The following CLDN12 variants were observed in gnomAD, a reference collection of about 807,000 sequenced individuals.
The protein encoded by CLDN12 is claudin 12, also known as claudin-12.
Under a neutral mutation model 15.5 loss-of-function variants are expected in CLDN12, and 9 were observed. That is an observed-to-expected ratio of 0.58 (90% confidence interval 0.35 to 1.02). CLDN12 has a LOEUF of 1.02. Ranked by LOEUF, CLDN12 falls within the 50% of genes least tolerant of loss-of-function variation. The pLI is 0.02. For synonymous variants in CLDN12, 140 were observed against 121.6 expected, an observed-to-expected ratio of 1.15 and a Z score of -1.00; for missense variants, 233 against 297.3, an observed-to-expected ratio of 0.78 and a Z score of 1.59.
At chr7:90,408,768 A>G (rs944876064) in intron 2 of CLDN12, among the ~76,000 whole-genome samples, 2 of 152,290 alleles carry the variant, frequency 1.3e-5, no homozygotes, top group Non-Finnish European at 2.9e-5. Flanking sequence ...ATCAAAGGCA[A>G]TTTCAGAGAA....
In CLDN12 at chr7:90,405,594, C is replaced by G. The variant is rs1430548490; in HGVS notation, c.-91C>G. ...CTGAATAAAGCTGTTTTGGAACTGT[C>G]AGGTACCTCAAAGCGTAAGTACGTC... On this transcript the variant is annotated 5_prime_UTR_variant, in exon 2 of 4. Transcript: ENST00000496677. The G allele has an allele frequency of 2.0e-5, 3 of 152,154 alleles. No individual in the cohort carries two copies. The highest frequency in any genetic ancestry group is 2.9e-5 in the Non-Finnish European group (2 of 68,018). 9.4% of individuals were successfully genotyped at this position (152,154 alleles called of 1,614,324 possible).
In CLDN12 at chr7:90,413,533, A is replaced by G; in HGVS notation, c.*122A>G. On this transcript the variant is annotated 3_prime_UTR_variant, in exon 4 of 4. Coordinates refer to ENST00000496677, the MANE Select transcript of CLDN12 (RefSeq NM_001185072.3). ...TTGACCAATCAATGAAGCCAAATTTATATGTCCTAGTAGAATGAAGTGCTG... is the reference window on the plus strand; with the variant it reads ...TTGACCAATCAATGAAGCCAAATTTGTATGTCCTAGTAGAATGAAGTGCTG... 2 of 1,489,632 alleles carry G rather than the reference A, an allele frequency of 1.3e-6. No individual in the cohort carries two copies. Among genetic ancestry groups the G allele is most frequent in the Non-Finnish European group, 1.8e-6 (2 of 1,121,980 alleles). The allele number at this position is 1,489,632 out of a possible 1,614,324, so 92.3% of individuals were successfully genotyped here.
intron 1 of CLDN12, among the ~76,000 whole-genome samples, chr7:90,405,117 C>T (rs1412689489): frequency 6.6e-6 from 1 of 152,176 alleles, no homozygotes; most frequent in African/African-American, 2.4e-5. Context: ...CACTGGAGTG[C>T]AGTGGTGCAA....
At position 90,413,485 on chromosome 7, in the gene CLDN12, C is replaced by T. The variant is rs1797014312; in HGVS notation, c.*74C>T. The stretch of plus-strand genomic sequence containing the variant: ...CCCTTGTGCAAAGAGCTCTTTTGGA[C>T]CTACATACATTTTCCTTTGTTTTTG... On this transcript the variant is annotated 3_prime_UTR_variant, in exon 4 of 4. Coordinates refer to ENST00000496677, the MANE Select transcript of CLDN12 (RefSeq NM_001185072.3). 1.3e-6 allele frequency: 2 copies of T among 1,540,432 alleles called. No homozygotes were observed. Among genetic ancestry groups the T allele is most frequent in the South Asian group, 1.3e-5 (1 of 77,122 alleles).
rs576737071 is a variant in CLDN12, at chr7:90,415,652, A to G, written c.*2241A>G. 2 of 167,168 alleles carry G rather than the reference A, an allele frequency of 1.2e-5. No homozygotes were observed. The highest frequency in any genetic ancestry group is 4.1e-4 in the South Asian group (2 of 4,828). The allele number at this position is 167,168 out of a possible 1,614,324, so 10.4% of individuals were successfully genotyped here. On this transcript the variant is annotated 3_prime_UTR_variant, in exon 4 of 4. Coordinates refer to ENST00000496677, the MANE Select transcript of CLDN12 (RefSeq NM_001185072.3). ...AGCCGTCCAAGGAAAATAATTATTTACAGTTTTTGAAGTCACTTTTGAGCC... is the reference window on the plus strand; with the variant it reads ...AGCCGTCCAAGGAAAATAATTATTTGCAGTTTTTGAAGTCACTTTTGAGCC...
chr7:90,404,894 T>A lies in CLDN12; in HGVS notation c.-166-625T>A, dbSNP rs74502787. ...TAAGGAATAAACAGCCTTTTTATTT[T>A]TTTTTTTTTATTATTTGAGACAGAT... On this transcript the variant is annotated intron_variant, in intron 1 of 3. Transcript: ENST00000496677. Among the ~76,000 whole-genome samples, 1,161 of 151,952 alleles carry A rather than the reference T, an allele frequency of 7.6e-3. 7 individuals carry two copies. The highest frequency in any genetic ancestry group is 0.019 in the African/African-American group (768 of 41,474).
chr7:90,405,680 T>A (rs1289404887), intron 2 of CLDN12, 72 bp downstream of exon 2: 1 of 152,204 alleles, frequency 6.6e-6, no homozygotes, highest in Non-Finnish European at 1.5e-5. Context: ...TGACTCTTTT[T>A]TTTTCTCTTG....
intron 1 of CLDN12, 176 bp downstream of exon 1, chr7:90,403,725 G>T (rs1796780569): frequency 6.6e-6 from 1 of 152,170 alleles, no homozygotes; most frequent in African/African-American, 2.4e-5. Context: ...TTGTACACAG[G>T]AGTATGGAAA....
At chr7:90,404,233 G>A (rs896157746) in intron 1 of CLDN12, among the ~76,000 whole-genome samples, 1 of 150,206 alleles carries the variant, frequency 6.7e-6, no homozygotes, top group African/African-American at 2.4e-5. Flanking sequence ...TGACTTTGGA[G>A]TGTGCAATTA....
rs577467250 is a variant in CLDN12 at position 90,410,564 on chromosome 7, C to A, written c.-76-1443C>A. Reference sequence around the variant, plus strand: ...TCTGGCTGGGCGCAGTTGCTCATGACTATAATCCCAGCTTGTAATTTCAGC... The same window carrying A: ...TCTGGCTGGGCGCAGTTGCTCATGAATATAATCCCAGCTTGTAATTTCAGC... On this transcript the variant is annotated intron_variant, in intron 2 of 3. Transcript: ENST00000496677. 2.0e-4 allele frequency among the ~76,000 whole-genome samples: 31 copies of A among 152,302 alleles called. No homozygotes were observed. In the East Asian group the frequency reaches 5.8e-3, roughly 28 times the overall value.
At chr7:90,406,148 C>T (rs775297452) in intron 2 of CLDN12, 4 of 152,170 alleles carry the variant, frequency 2.6e-5, no homozygotes, top group Non-Finnish European at 4.4e-5. Context: ...ACTCTCGTAA[C>T]TCTTGTAACT....
chr7:90,411,860 G>A (rs1796970609), intron 2 of CLDN12, 147 bp from the exon 3 acceptor site: 1 of 152,162 alleles, frequency 6.6e-6, no homozygotes, highest in South Asian at 2.1e-4. Flanking sequence ...GCAGTGAGCT[G>A]GGTCACTGAA....
At chr7:90,405,764 A>G (rs1457209917) in intron 2 of CLDN12, 156 bp downstream of exon 2, 1 of 152,094 alleles carries the variant, frequency 6.6e-6, no homozygotes, top group Non-Finnish European at 1.5e-5. Flanking sequence ...TTCTAAGAAA[A>G]CCCAAATTAT....
intron 2 of CLDN12, among the ~76,000 whole-genome samples, chr7:90,410,040 A>G (rs1458134228): frequency 2.6e-5 from 4 of 152,210 alleles, no homozygotes; most frequent in African/African-American, 9.6e-5. Flanking sequence ...ACAGAGCCCA[A>G]TACTCGTTTA....
chr7:90,410,789 G>A (rs1050173025), intron 2 of CLDN12, among the ~76,000 whole-genome samples: 3 of 152,082 alleles, frequency 2.0e-5, no homozygotes, highest in African/African-American at 7.2e-5. Context: ...TTGAGCCCAG[G>A]AGTTCGAGAC....
Position 90,412,644 on chromosome 7 carries a change from T to TCTGA in CLDN12, c.-27_-24dup. ...TGTCCTCTTGTGTGTCACCCCCTAG[T>TCTGA]CTGACTGACAGTACTCCACAAGCTT... is the stretch of plus-strand genomic sequence containing the variant. On this transcript the variant is annotated splice_region_variant and 5_prime_UTR_variant, in exon 4 of 4. Transcript: ENST00000496677. 6.3e-7 allele frequency: 1 copy of TCTGA among 1,589,810 alleles called. No individual in the cohort carries two copies. The highest frequency in any genetic ancestry group is 2.2e-5 in the East Asian group (1 of 44,798).
intron 2 of CLDN12, among the ~76,000 whole-genome samples, chr7:90,409,379 G>A (rs1189655214): frequency 5.3e-5 from 8 of 152,098 alleles, no homozygotes; most frequent in Admixed American, 3.3e-4. Flanking sequence ...GTGCCACCAT[G>A]CCTGGCTAGT....
In CLDN12 at chr7:90,412,863, G is replaced by C. The variant is rs200164858; in HGVS notation, c.187G>C (p.Gly63Arg). The change falls in exon 4 of 4, where the codon GGG becomes CGG. Residue 63 changes from glycine to arginine, a missense_variant. Physicochemically the swap from Gly to Arg is moderately radical, Grantham distance 125 (BLOSUM62 -2). Transcript: ENST00000496677. The part of the protein sequence containing the change: ...GLWVKCARYD[G>R]SSDCLMYDTT... ...GTGGGTGAAATGTGCCCGGTATGAC[G>C]GGAGCAGTGACTGCCTGATGTACGA... The C allele has an allele frequency of 1.2e-6, 2 of 1,614,056 alleles. No individual in the cohort carries two copies. Among genetic ancestry groups the C allele is most frequent in the African/African-American group, 2.7e-5 (2 of 74,918 alleles).
chr7:90,413,215 C>T lies in CLDN12; in HGVS notation c.539C>T (p.Ala180Val). 6.2e-7 allele frequency: 1 copy of T among 1,614,138 alleles called. No homozygotes were observed. Among genetic ancestry groups the T allele is most frequent in the South Asian group, 1.1e-5 (1 of 91,080 alleles). ...SFDYAVYVTI[A>V]SAGGLFMTSL... ...GACTATGCAGTGTATGTCACTATTG[C>T]TAGTGCTGGGGGCCTGTTTATGACT... The change falls in exon 4 of 4, where the codon GCT (alanine) becomes GTT (valine). Residue 180 changes from alanine to valine, a missense_variant. Ala to Val is a moderately conservative substitution (Grantham distance 64). Coordinates refer to ENST00000496677, the MANE Select transcript of CLDN12 (RefSeq NM_001185072.3).
Sources: gnomAD v4.1 joint callset for allele counts (sites outside exome capture counted in the v4.1 genomes callset) on GRCh38, gnomAD v4.1.1 for gene constraint, MANE v1.5 for transcripts, NCBI Gene and HGNC (gene_info 2026-07-23, HGNC 2026-07-21) for gene names.